The following GPC5 variants were observed in gnomAD, a reference collection of about 807,000 sequenced individuals.
The protein encoded by GPC5 is glypican 5.
In GPC5, 47 loss-of-function variants were observed where a neutral mutation model predicts 53.9. That is an observed-to-expected ratio of 0.87 (90% CI 0.69 to 1.11). The LOEUF is 1.11. Among genes scored for constraint, GPC5 ranks in the 50% most tolerant of loss-of-function variants. The probability of loss-of-function intolerance (pLI) is 0.00; values close to 1 mark genes in which losing one functional copy is unlikely to be tolerated. For missense variants in GPC5, 748 were observed against 713.1 expected, an observed-to-expected ratio of 1.05 and a Z score of -0.56; for synonymous variants, 286 against 263.3, an observed-to-expected ratio of 1.09 and a Z score of -0.84.
intron 4 of GPC5, among the ~76,000 whole-genome samples, chr13:91,755,272 A>T (rs1003220329): frequency 2.0e-5 from 3 of 152,122 alleles, no homozygotes; most frequent in African/African-American, 7.2e-5. Flanking sequence ...ATTTTTAAAC[A>T]CATTATATTT....
chr13:92,138,044 C>T (rs1363539728), intron 6 of GPC5, among the ~76,000 whole-genome samples: 1 of 152,062 alleles, frequency 6.6e-6, no homozygotes, highest in African/African-American at 2.4e-5. Flanking sequence ...AACTCTTCTA[C>T]TTTCCACTCA....
chr13:91,807,890 C>T (rs536649366), intron 5 of GPC5, among the ~76,000 whole-genome samples: 1 of 152,190 alleles, frequency 6.6e-6, no homozygotes, highest in South Asian at 2.1e-4. Flanking sequence ...ATACTAAGTA[C>T]ATTTTTTGTT....
At position 92,273,902 on chromosome 13, in the gene GPC5, G is replaced by A. The variant is rs565279852; in HGVS notation, c.1561+128913G>A. Among the ~76,000 whole-genome samples the A allele has an allele frequency of 1.1e-3, 160 of 152,172 alleles. 1 individual carries two copies. Among genetic ancestry groups the A allele is most frequent in the African/African-American group, 3.5e-3 (147 of 41,534 alleles). ...TCCAATACCTGCAAATAACCAAAAC[G>A]ATTCCTGTGTGACCCTTCAGTAGAC... is the stretch of plus-strand genomic sequence containing the variant. On this transcript the variant is annotated intron_variant, in intron 7 of 7. Coordinates refer to ENST00000377067, the MANE Select transcript of GPC5 (RefSeq NM_004466.6).
chr13:92,703,052 A>ATATATATT (rs997997917), intron 7 of GPC5, among the ~76,000 whole-genome samples: 119 of 145,804 alleles, frequency 8.2e-4, no homozygotes, highest in African/African-American at 2.9e-3. Flanking sequence ...GCATATATAT[A>ATATATATT]TATTTATTTA....
intron 2 of GPC5, among the ~76,000 whole-genome samples, chr13:91,584,258 G>A (rs934944938): frequency 1.3e-5 from 2 of 152,090 alleles, no homozygotes; most frequent in Non-Finnish European, 2.9e-5. Flanking sequence ...CGAAGTTACA[G>A]TAAATAAGAT....
chr13:92,285,465 GCATCA>G (rs1465365114), intron 7 of GPC5, among the ~76,000 whole-genome samples: 1 of 152,152 alleles, frequency 6.6e-6, no homozygotes, highest in Non-Finnish European at 1.5e-5. Flanking sequence ...AAAGCTGGAG[GCATCA>G]CACTACCTGA....
At chr13:92,727,524 C>A (rs1206998362) in intron 7 of GPC5, among the ~76,000 whole-genome samples, 2 of 151,328 alleles carry the variant, frequency 1.3e-5, no homozygotes, top group African/African-American at 4.8e-5. Context: ...GGGTGTCCAC[C>A]TTTAACTTCC....
chr13:92,347,905 T>TATATATATA lies in GPC5; in HGVS notation c.1561+202923_1561+202924insTAATATATA. ...TATTATATATATTATATATATAATA[T>TATATATATA]ATATATAATATATATATATTATATA... On this transcript the variant is annotated intron_variant, in intron 7 of 7. Coordinates refer to ENST00000377067, the MANE Select transcript of GPC5 (RefSeq NM_004466.6). 3.8e-4 allele frequency among the ~76,000 whole-genome samples: 5 copies of TATATATATA among 13,094 alleles called. 2 individuals are homozygous for TATATATATA. The African/African-American group carries it at 4.5e-3, about 12-fold the overall frequency. The allele number at this position is 13,094 out of a possible 152,430, so 8.6% of individuals were successfully genotyped here.
chr13:92,799,027 C>T (rs1876805304), intron 7 of GPC5, among the ~76,000 whole-genome samples: 1 of 151,676 alleles, frequency 6.6e-6, no homozygotes, highest in Non-Finnish European at 1.5e-5. Context: ...AATATTTCCA[C>T]TTTTCTTAGC....
At chr13:91,434,963 T>C (rs1478144767) in intron 1 of GPC5, among the ~76,000 whole-genome samples, 3 of 152,210 alleles carry the variant, frequency 2.0e-5, no homozygotes, top group African/African-American at 7.2e-5. Flanking sequence ...TGAATGGGAG[T>C]TCACTCATGA....
chr13:92,701,012 T>G (rs1184199437), intron 7 of GPC5, among the ~76,000 whole-genome samples: 2 of 152,076 alleles, frequency 1.3e-5, no homozygotes, highest in Non-Finnish European at 2.9e-5. Context: ...TTCTTCCCAA[T>G]TCTTTGCTGT....
intron 2 of GPC5, among the ~76,000 whole-genome samples, chr13:91,480,788 A>G (rs1362898263): frequency 6.6e-6 from 1 of 152,108 alleles, no homozygotes; most frequent in East Asian, 1.9e-4. Flanking sequence ...TATTCTTTTG[A>G]GTTCTGAGAG....
intron 7 of GPC5, among the ~76,000 whole-genome samples, chr13:92,324,858 C>A (rs2043239864): frequency 6.6e-6 from 1 of 151,814 alleles, no homozygotes. Flanking sequence ...GGACTTCGAC[C>A]AAGATCAGTT....
chr13:92,262,732 T>C (rs1457011351), intron 7 of GPC5, among the ~76,000 whole-genome samples: 1 of 152,192 alleles, frequency 6.6e-6, no homozygotes, highest in African/African-American at 2.4e-5. Flanking sequence ...TATACAGAGT[T>C]ATTCAAACAC....
chr13:91,946,236 G>T (rs2039973523), intron 6 of GPC5, among the ~76,000 whole-genome samples: 1 of 152,048 alleles, frequency 6.6e-6, no homozygotes, highest in Non-Finnish European at 1.5e-5. Context: ...TGAAAATAAA[G>T]CTTACTGTTT....
At chr13:92,536,120 G>A (rs7981855) in intron 7 of GPC5, among the ~76,000 whole-genome samples, 2 of 151,790 alleles carry the variant, frequency 1.3e-5, no homozygotes, top group South Asian at 4.2e-4. Flanking sequence ...AATGTTCAAG[G>A]TTATTTAATG....
intron 6 of GPC5, among the ~76,000 whole-genome samples, chr13:91,976,158 T>C (rs1410449322): frequency 1.3e-5 from 2 of 152,130 alleles, no homozygotes; most frequent in African/African-American, 4.8e-5. Context: ...CATTAGGAGA[T>C]ATACCTAATG....
At chr13:92,479,088 C>A (rs144467979) in intron 7 of GPC5, among the ~76,000 whole-genome samples, 2 of 152,220 alleles carry the variant, frequency 1.3e-5, no homozygotes, top group African/African-American at 4.8e-5. Context: ...TATTTGATTA[C>A]ACAAATTATA....
At position 91,455,226 on chromosome 13, in the gene GPC5, A is replaced by G. The variant is rs150410781; in HGVS notation, c.325+6304A>G. Among the ~76,000 whole-genome samples the G allele has an allele frequency of 4.3e-4, 66 of 152,232 alleles. No homozygotes were observed. In the East Asian group the frequency reaches 4.8e-3, roughly 11 times the overall value. On this transcript the variant is annotated intron_variant, in intron 2 of 7. Coordinates refer to ENST00000377067, the MANE Select transcript of GPC5 (RefSeq NM_004466.6). ...TTCTCCAGGGTTCACACATAGAAGCACAATTGTGGTTTATAGGCTATGCAC... is the reference window on the plus strand; with the variant it reads ...TTCTCCAGGGTTCACACATAGAAGCGCAATTGTGGTTTATAGGCTATGCAC...
Sources: gnomAD v4.1 joint callset for allele counts (sites outside exome capture counted in the v4.1 genomes callset) on GRCh38, gnomAD v4.1.1 for gene constraint, MANE v1.5 for transcripts, NCBI Gene and HGNC (gene_info 2026-07-23, HGNC 2026-07-21) for gene names.